LINGO2: variants seen among roughly 807,000 people sequenced by gnomAD.
LINGO2 encodes leucine rich repeat and Ig domain containing 2.
Under a neutral mutation model 30.6 loss-of-function variants are expected in LINGO2, and 14 were observed. The observed-to-expected ratio is 0.46, with a 90% CI of 0.30 to 0.72. LINGO2 has a LOEUF of 0.72. Among genes scored for constraint, LINGO2 ranks in the 30% least tolerant of loss-of-function variants. LINGO2 has a pLI of 0.07. For missense variants in LINGO2, 729 were observed against 751.7 expected (o/e 0.97, Z 0.35); for synonymous variants, 317 against 288.5 (o/e 1.10, Z -1.00).
intron 1 of LINGO2, among the ~76,000 whole-genome samples, chr9:28,591,185 C>T (rs1333962541): frequency 1.3e-5 from 2 of 151,908 alleles, no homozygotes; most frequent in Admixed American, 6.6e-5. Context: ...GGAGGGATAG[C>T]ATTAGGAGAT....
chr9:27,991,945 C>T (rs970179381), intron 5 of LINGO2, among the ~76,000 whole-genome samples: 1 of 151,996 alleles, frequency 6.6e-6, no homozygotes, highest in East Asian at 1.9e-4. Context: ...TCTCAATTTC[C>T]ACAAGACTCT....
At chr9:27,950,741 A>G in intron 5 of LINGO2, 35 bp from the exon 7 acceptor site, 1 of 1,262,328 alleles carries the variant, frequency 7.9e-7, no homozygotes, top group South Asian at 2.1e-5. Context: ...GAGGAAGAGA[A>G]GGTGAGTTAG....
intron 1 of LINGO2, among the ~76,000 whole-genome samples, chr9:28,575,227 C>A (rs899612494): frequency 2.0e-5 from 3 of 151,954 alleles, no homozygotes; most frequent in Non-Finnish European, 4.4e-5. Flanking sequence ...GATGGTGAAA[C>A]CCCATCTCTA....
At chr9:29,128,889 T>C in the LINGO2 span, among the ~76,000 whole-genome samples, 5 of 152,260 alleles carry the variant, frequency 3.3e-5, no homozygotes, top group African/African-American at 1.2e-4. Context: ...AATAAGTAAA[T>C]AAGTCTAAGC....
chr9:28,872,591 C>T, the LINGO2 span, among the ~76,000 whole-genome samples: 1 of 152,142 alleles, frequency 6.6e-6, no homozygotes, highest in Non-Finnish European at 1.5e-5. Context: ...AAGTTTGGTA[C>T]ATGCTTCCAA....
chr9:28,919,904 T>C, the LINGO2 span, among the ~76,000 whole-genome samples: 1 of 152,192 alleles, frequency 6.6e-6, no homozygotes, highest in Non-Finnish European at 1.5e-5. Flanking sequence ...TATAATGTAA[T>C]TTGTATTATG....
chr9:28,058,015 C>A (rs964105493), intron 4 of LINGO2, among the ~76,000 whole-genome samples: 1 of 152,086 alleles, frequency 6.6e-6, no homozygotes, highest in Admixed American at 6.6e-5. Context: ...GAAGCCAAAA[C>A]CATGATTTGA....
intron 2 of LINGO2, among the ~76,000 whole-genome samples, chr9:28,380,463 G>T (rs10968544): frequency 0.23 from 33,968 of 150,826 alleles, 4,036 homozygotes; most frequent in Middle Eastern, 0.33. Flanking sequence ...TGAAAAATTG[G>T]TTAATGGAAA....
intron 1 of LINGO2, among the ~76,000 whole-genome samples, chr9:28,563,565 T>A (rs1823213873): frequency 6.6e-6 from 1 of 152,312 alleles, no homozygotes; most frequent in African/African-American, 2.4e-5. Context: ...TGCAGTTCTA[T>A]GCAAATGCAA....
intron 4 of LINGO2, among the ~76,000 whole-genome samples, chr9:28,246,994 G>A (rs1390327257): frequency 6.6e-6 from 1 of 151,938 alleles, no homozygotes; most frequent in Non-Finnish European, 1.5e-5. Flanking sequence ...TAGCCAACAT[G>A]AAAAAAAGCT....
chr9:28,232,420 A>C (rs1006648003), intron 4 of LINGO2, among the ~76,000 whole-genome samples: 3 of 49,902 alleles, frequency 6.0e-5, no homozygotes, highest in Admixed American at 5.9e-4. Flanking sequence ...TCTATCTCAC[A>C]AAAAAAAAAA....
chr9:28,727,594 G>A, the LINGO2 span, among the ~76,000 whole-genome samples: 1 of 151,964 alleles, frequency 6.6e-6, no homozygotes, highest in African/African-American at 2.4e-5. Context: ...GGCCAAATTA[G>A]CTAAAAAATA....
chr9:28,904,584 C>G, the LINGO2 span, among the ~76,000 whole-genome samples: 3 of 150,916 alleles, frequency 2.0e-5, no homozygotes, highest in Admixed American at 2.0e-4. Context: ...AAAAAGAAAC[C>G]AAAAGAACAA....
At chr9:28,957,211 T>A in the LINGO2 span, among the ~76,000 whole-genome samples, 1 of 152,164 alleles carries the variant, frequency 6.6e-6, no homozygotes, top group African/African-American at 2.4e-5. Context: ...CCCTGGGACG[T>A]ATGATTATCT....
chr9:28,458,516 C>T (rs761002151), intron 2 of LINGO2, among the ~76,000 whole-genome samples: 20 of 152,070 alleles, frequency 1.3e-4, no homozygotes, highest in African/African-American at 3.1e-4. Context: ...AATATACTTG[C>T]GTCTCTTTTT....
At chr9:28,616,404 A>C (rs1826133258) in intron 1 of LINGO2, among the ~76,000 whole-genome samples, 1 of 152,168 alleles carries the variant, frequency 6.6e-6, no homozygotes, top group Admixed American at 6.5e-5. Flanking sequence ...GCTGACCCAC[A>C]TCAGCTGCTT....
the LINGO2 span, among the ~76,000 whole-genome samples, chr9:29,128,803 A>G: frequency 6.6e-6 from 1 of 152,090 alleles, no homozygotes; most frequent in Non-Finnish European, 1.5e-5. Context: ...ATATATGACT[A>G]GATGTGTTTA....
At chr9:28,860,039 C>A in the LINGO2 span, among the ~76,000 whole-genome samples, 1 of 152,008 alleles carries the variant, frequency 6.6e-6, no homozygotes, top group Admixed American at 6.6e-5. Context: ...TATTCATAAA[C>A]TAATTGAATT....
chr9:28,172,914 A>G (rs1670273520), intron 4 of LINGO2, among the ~76,000 whole-genome samples: 1 of 152,160 alleles, frequency 6.6e-6, no homozygotes, highest in Non-Finnish European at 1.5e-5. Context: ...TTCATCATTG[A>G]TGGACTGGAG....
Sources: gnomAD v4.1 joint callset for allele counts (sites outside exome capture counted in the v4.1 genomes callset) on GRCh38, gnomAD v4.1.1 for gene constraint, MANE v1.5 for transcripts, NCBI Gene and HGNC (gene_info 2026-07-23, HGNC 2026-07-21) for gene names.